Variants in SNTB2 observed in about 807,000 individuals in gnomAD.
SNTB2 encodes the protein syntrophin beta 2.
A neutral mutation model predicts 46.2 loss-of-function variants in SNTB2; 34 were observed. The ratio of observed to expected loss-of-function variants is 0.74; its 90% CI spans 0.56 to 0.98. The LOEUF (loss-of-function observed/expected upper bound fraction) is 0.98. Ranked by LOEUF, SNTB2 falls within the 50% of genes least tolerant of loss-of-function variation. The pLI, the probability that SNTB2 is intolerant of heterozygous loss-of-function variation, is 0.00. For synonymous variants in SNTB2, 290 were observed against 312.6 expected (o/e 0.93, Z 0.76); for missense variants, 603 against 731.4 (o/e 0.82, Z 2.02).
chr16:69,254,540 A>G (rs1964754935), intron 2 of SNTB2, among the ~76,000 whole-genome samples: 1 of 152,238 alleles, frequency 6.6e-6, no homozygotes. Flanking sequence ...AGCACAATCC[A>G]TAAAGAAAAA....
At chr16:69,245,348 C>T (rs925681924) in intron 1 of SNTB2, among the ~76,000 whole-genome samples, 1 of 152,082 alleles carries the variant, frequency 6.6e-6, no homozygotes, top group Non-Finnish European at 1.5e-5. Context: ...CGCATGCCAC[C>T]ACGCTCACCT....
intron 1 of SNTB2, among the ~76,000 whole-genome samples, chr16:69,242,882 G>A (rs902713559): frequency 2.0e-5 from 3 of 152,110 alleles, no homozygotes; most frequent in East Asian, 1.9e-4. Flanking sequence ...TTAGCCGGGC[G>A]TGGTGGCGGG....
chr16:69,307,022 T>C lies in SNTB2; in HGVS notation c.*6098T>C, dbSNP rs1186847442. 1 of 152,238 alleles carries C rather than the reference T, an allele frequency of 6.6e-6. No individual in the cohort carries two copies. Among genetic ancestry groups the C allele is most frequent in the Non-Finnish European group, 1.5e-5 (1 of 68,034 alleles). 9.4% of individuals were successfully genotyped at this position (152,238 alleles called of 1,614,324 possible). On this transcript the variant is annotated 3_prime_UTR_variant, in exon 7 of 7. Transcript: ENST00000336278. ...GTTTGCAATAATCTTACGTCCATGCTATTGACACTAATTTTGAAACTGGAA... is the reference window on the plus strand; with the variant it reads ...GTTTGCAATAATCTTACGTCCATGCCATTGACACTAATTTTGAAACTGGAA...
chr16:69,296,150 G>A (rs749224455), intron 5 of SNTB2, among the ~76,000 whole-genome samples: 6 of 151,494 alleles, frequency 4.0e-5, no homozygotes, highest in African/African-American at 1.2e-4. Flanking sequence ...GCGTGGTGGC[G>A]CAGGCCTTAA....
intron 4 of SNTB2, among the ~76,000 whole-genome samples, chr16:69,282,496 A>G (rs1965059630): frequency 6.6e-6 from 1 of 152,074 alleles, no homozygotes; most frequent in Non-Finnish European, 1.5e-5. Flanking sequence ...GTAGCTTTAT[A>G]GTAAGTGAAA....
At position 69,260,112 on chromosome 16, in the gene SNTB2, C is replaced by G. The variant is rs1964821640; in HGVS notation, c.857C>G (p.Ala286Gly). 1 of 1,614,026 alleles carries G rather than the reference C, an allele frequency of 6.2e-7. No homozygotes were observed. ...TTGATCCTACGCTGCAAAGATACAG[C>G]CACAGCACACTCCTGGTTCGTAGCT... ...NTLILRCKDTATAHSWFVAIH... is the reference protein window; with the variant it reads ...NTLILRCKDTGTAHSWFVAIH... Residue 286 changes from alanine (A) to glycine (G), a missense_variant, in exon 3 of 7, where the codon GCC becomes GGC. Ala to Gly is a moderately conservative substitution (Grantham distance 60). Coordinates refer to ENST00000336278, the MANE Select transcript of SNTB2 (RefSeq NM_006750.4).
chr16:69,283,773 C>T (rs1195115781), intron 4 of SNTB2, among the ~76,000 whole-genome samples: 5 of 152,236 alleles, frequency 3.3e-5, no homozygotes, highest in Middle Eastern at 3.4e-3. Context: ...CAGATGCTCA[C>T]GCCTGTAATC....
chr16:69,257,412 CTCTT>C (rs959083876), intron 2 of SNTB2, among the ~76,000 whole-genome samples: 1 of 144,204 alleles, frequency 6.9e-6, no homozygotes, highest in African/African-American at 2.6e-5. Flanking sequence ...CTGTTCATGA[CTCTT>C]ATTTATTTAT....
chr16:69,226,200 T>C (rs1386176090), intron 1 of SNTB2, among the ~76,000 whole-genome samples: 2 of 152,138 alleles, frequency 1.3e-5, no homozygotes, highest in African/African-American at 4.8e-5. Context: ...GCCTCCCAAG[T>C]AGCTGGGAAT....
At chr16:69,233,795 A>G (rs572415412) in intron 1 of SNTB2, among the ~76,000 whole-genome samples, 34 of 152,122 alleles carry the variant, frequency 2.2e-4, no homozygotes, top group Non-Finnish European at 1.3e-4. Context: ...CAACATAGCA[A>G]GACCCCACTG....
At chr16:69,295,747 C>G (rs1227024423) in intron 5 of SNTB2, among the ~76,000 whole-genome samples, 1 of 146,460 alleles carries the variant, frequency 6.8e-6, no homozygotes. Context: ...AAAAAAAAAG[C>G]CACTTCTCAT....
intron 2 of SNTB2, among the ~76,000 whole-genome samples, chr16:69,255,753 T>C (rs1396327777): frequency 1.3e-5 from 2 of 151,100 alleles, no homozygotes; most frequent in African/African-American, 4.9e-5. Flanking sequence ...TGGTGGCACT[T>C]CCCTGTAATC....
At chr16:69,250,203 T>C (rs188252137) in intron 2 of SNTB2, among the ~76,000 whole-genome samples, 1 of 152,362 alleles carries the variant, frequency 6.6e-6, no homozygotes, top group East Asian at 1.9e-4. Context: ...ATGCGTTTTT[T>C]AGACATAAAA....
chr16:69,268,821 C>T (rs540850809), intron 3 of SNTB2, among the ~76,000 whole-genome samples: 10 of 150,596 alleles, frequency 6.6e-5, no homozygotes, highest in African/African-American at 1.5e-4. Flanking sequence ...GCAGAAATCG[C>T]GCCGCTGCCC....
intron 4 of SNTB2, among the ~76,000 whole-genome samples, chr16:69,275,290 C>T (rs1337412085): frequency 6.6e-6 from 1 of 152,120 alleles, no homozygotes; most frequent in Non-Finnish European, 1.5e-5. Context: ...GTCTCAAACT[C>T]CTGGGCTCAA....
chr16:69,283,068 C>A (rs1313733778), intron 4 of SNTB2, among the ~76,000 whole-genome samples: 1 of 152,148 alleles, frequency 6.6e-6, no homozygotes, highest in Admixed American at 6.5e-5. Flanking sequence ...CTCAGCCTCC[C>A]AAGTAGCTGG....
intron 1 of SNTB2, among the ~76,000 whole-genome samples, chr16:69,234,585 A>G (rs1964538687): frequency 6.6e-6 from 1 of 152,230 alleles, no homozygotes; most frequent in South Asian, 2.1e-4. Flanking sequence ...CTGAAAGGAA[A>G]GAATAAGGCC....
At chr16:69,259,235 G>GTT (rs1205800848) in intron 2 of SNTB2, among the ~76,000 whole-genome samples, 2 of 108,768 alleles carry the variant, frequency 1.8e-5, no homozygotes, top group African/African-American at 3.5e-5. Context: ...TGGTCTTTCT[G>GTT]ATTTTTTTTT....
At chr16:69,258,075 T>G (rs1248031104) in intron 2 of SNTB2, among the ~76,000 whole-genome samples, 1 of 152,226 alleles carries the variant, frequency 6.6e-6, no homozygotes, top group East Asian at 1.9e-4. Flanking sequence ...AAAGCAGAAA[T>G]GCTAGTATAC....
Sources: gnomAD v4.1 joint callset for allele counts (sites outside exome capture counted in the v4.1 genomes callset) on GRCh38, gnomAD v4.1.1 for gene constraint, MANE v1.5 for transcripts, NCBI Gene and HGNC (gene_info 2026-07-23, HGNC 2026-07-21) for gene names.